ABCA4: variants seen among roughly 807,000 people sequenced by gnomAD.
ABCA4 encodes retinal-specific phospholipid-transporting ATPase ABCA4.
A neutral mutation model predicts 263.7 loss-of-function variants in ABCA4; 196 were observed. The ratio of observed to expected loss-of-function variants is 0.74; its 90% CI spans 0.66 to 0.84. The LOEUF (loss-of-function observed/expected upper bound fraction) is 0.84, where lower values mean the gene tolerates loss of function less well. ABCA4 is among the 40% of genes least tolerant of loss of function. ABCA4 has a pLI of 0.00. For synonymous variants in ABCA4, 1,133 were observed against 1,094.2 expected, an observed-to-expected ratio of 1.04 and a Z score of -0.70; for missense variants, 2,792 against 2,855.1, an observed-to-expected ratio of 0.98 and a Z score of 0.50.
Position 94,056,676 on chromosome 1 carries a change from A to G in ABCA4, c.2307T>C (p.Tyr769=). ...SLAAACSGVI[Y]FTLYLPHILC... ...GGATGTGTGGCAGGTAGAGGGTGAAATAGATGACACCACTACAGGCTGCTG... is the reference window on the plus strand; with the variant it reads ...GGATGTGTGGCAGGTAGAGGGTGAAGTAGATGACACCACTACAGGCTGCTG... Residue 769 remains tyrosine (Y), a synonymous_variant, in exon 15 of 50, where the codon TAT becomes TAC. Transcript: ENST00000370225. 1 of 1,614,130 alleles carries G rather than the reference A, an allele frequency of 6.2e-7. No individual in the cohort carries two copies.
At chr1:94,099,830 G>T (rs1051647509) in intron 5 of ABCA4, among the ~76,000 whole-genome samples, 1 of 152,226 alleles carries the variant, frequency 6.6e-6, no homozygotes, top group African/African-American at 2.4e-5. Context: ...AAGCCCTGCA[G>T]AGTGCACATT....
At position 94,028,930 on chromosome 1, in the gene ABCA4, A is replaced by ACAAAAC. The variant is rs35998587; in HGVS notation, c.4539+514_4539+515insGTTTTG. The stretch of plus-strand genomic sequence containing the variant: ...TCAAAAAAAAAAAAAAAAAAAAAAA[A>ACAAAAC]GAAATTCAAACAATGGGATAATATA... On this transcript the variant is annotated intron_variant, in intron 30 of 49. Transcript: ENST00000370225. 2.0e-4 allele frequency among the ~76,000 whole-genome samples: 22 copies of ACAAAAC among 108,032 alleles called. 1 individual carries two copies. Among genetic ancestry groups the ACAAAAC allele is most frequent in the South Asian group, 8.6e-4 (3 of 3,492 alleles). 70.9% of individuals were successfully genotyped at this position (108,032 alleles called of 152,430 possible).
At chr1:94,014,417 G>A in intron 38 of ABCA4, 126 bp downstream of exon 38, 2 of 1,077,590 alleles carry the variant, frequency 1.9e-6, no homozygotes, top group Non-Finnish European at 1.4e-6. Flanking sequence ...GGGGTAGGGA[G>A]GAAGAAAGTG....
At chr1:94,021,600 A>C (rs1557768685) in intron 34 of ABCA4, 40 bp downstream of exon 34, 3 of 1,568,196 alleles carry the variant, frequency 1.9e-6, no homozygotes, top group Non-Finnish European at 1.8e-6. Flanking sequence ...AGCTCAGGTA[A>C]ATTTTTAGCT....
At chr1:94,084,999 A>G (rs546550) in intron 6 of ABCA4, among the ~76,000 whole-genome samples, 37,457 of 152,130 alleles carry the variant, frequency 0.25, 5,100 homozygotes, top group Non-Finnish European at 0.32. Context: ...CCTGAGAGAC[A>G]TAGCAGTAAA....
At chr1:94,093,054 CCA>C (rs1195922063) in intron 6 of ABCA4, among the ~76,000 whole-genome samples, 1 of 152,110 alleles carries the variant, frequency 6.6e-6, no homozygotes, top group Non-Finnish European at 1.5e-5. Flanking sequence ...AGTCTCTCAG[CCA>C]CTAAGAGATG....
intron 6 of ABCA4, among the ~76,000 whole-genome samples, chr1:94,089,054 C>T (rs1443224754): frequency 6.6e-6 from 1 of 152,200 alleles, no homozygotes; most frequent in Non-Finnish European, 1.5e-5. Flanking sequence ...CTTCTGCAGG[C>T]CCCAGGCACA....
Position 94,010,856 on chromosome 1 carries a change from C to A in ABCA4, c.5658G>T (p.Gly1886=), listed in dbSNP as rs1379081387. ...GCAGGGTCAGGAGGAAGTACACCAC[C>A]CCTTCCACCACCATGGCAAACAGGT... The part of the protein sequence containing the change: ...GKNLFAMVVE[G]VVYFLLTLLV... The change falls in exon 40 of 50, where the codon GGG becomes GGT. Residue 1886 remains glycine, a synonymous_variant. Coordinates refer to ENST00000370225, the MANE Select transcript of ABCA4 (RefSeq NM_000350.3). The A allele has an allele frequency of 3.1e-6, 5 of 1,613,960 alleles. No individual in the cohort carries two copies. Among genetic ancestry groups the A allele is most frequent in the Non-Finnish European group, 4.2e-6 (5 of 1,180,028 alleles).
At position 94,019,019 on chromosome 1, in the gene ABCA4, G is replaced by GTT. The variant is rs757258025; in HGVS notation, c.5196+561_5196+562dup. Among the ~76,000 whole-genome samples, 44 of 76,434 alleles carry GTT rather than the reference G, an allele frequency of 5.8e-4. 1 individual carries two copies. The highest frequency in any genetic ancestry group is 8.6e-4 in the African/African-American group (14 of 16,242). The allele number at this position is 76,434 out of a possible 152,430, so 50.1% of individuals were successfully genotyped here. A position where few individuals can be genotyped will look rare whatever the true frequency, so the allele number is the denominator to read the frequency against. ...ATTTGAGTTTCAGATAAACAACCAG[G>GTT]TTTTTTTTTTTTTTTTTTTTTTTTT... On this transcript the variant is annotated intron_variant, in intron 36 of 49. Transcript: ENST00000370225.
At chr1:94,010,760 C>A (rs758705962) in intron 40 of ABCA4, 40 bp downstream of exon 40, 2 of 1,613,958 alleles carry the variant, frequency 1.2e-6, no homozygotes, top group Middle Eastern at 1.7e-4. Flanking sequence ...TTCTGGATGC[C>A]CTGAGCTGCC....
At position 94,042,182 on chromosome 1, in the gene ABCA4, C is replaced by T. The variant is rs137866490; in HGVS notation, c.3328+579G>A. Among the ~76,000 whole-genome samples the T allele has an allele frequency of 1.9e-3, 281 of 151,460 alleles. 2 individuals carry two copies. The highest frequency in any genetic ancestry group is 5.8e-3 in the Admixed American group (89 of 15,248). Reference sequence around the variant, plus strand: ...GATGACAAACCCTCAGAGAAAGGCACGGGGCAACGCTGTGTGAGTAGAGCA... The same window carrying T: ...GATGACAAACCCTCAGAGAAAGGCATGGGGCAACGCTGTGTGAGTAGAGCA... On this transcript the variant is annotated intron_variant, in intron 22 of 49. Coordinates refer to ENST00000370225, the MANE Select transcript of ABCA4 (RefSeq NM_000350.3).
chr1:94,072,516 G>GT (rs1661428675), intron 11 of ABCA4, among the ~76,000 whole-genome samples: 1 of 152,152 alleles, frequency 6.6e-6, no homozygotes, highest in Admixed American at 6.5e-5. Flanking sequence ...GGAGGGGTGT[G>GT]TATGCTTGTT....
In ABCA4 at chr1:94,047,495, C is replaced by T. The variant is rs1251023127; in HGVS notation, c.2744-402G>A. The stretch of plus-strand genomic sequence containing the variant: ...ATGCTTGTCAGAATGCACTCACTGT[C>T]TATAGGGAGAGTTGGCCCCAAGCTC... On this transcript the variant is annotated intron_variant, in intron 18 of 49. Transcript: ENST00000370225. Among the ~76,000 whole-genome samples, 2 of 152,302 alleles carry T rather than the reference C, an allele frequency of 1.3e-5. No individual in the cohort carries two copies. The highest frequency in any genetic ancestry group is 2.9e-5 in the Non-Finnish European group (2 of 68,018).
In ABCA4 at chr1:94,021,846, C is replaced by G; in HGVS notation, c.4773G>C (p.Gly1591=). Residue 1591 remains glycine (G), a splice_region_variant and synonymous_variant, in exon 33 of 50, where the codon GGG becomes GGC. Transcript: ENST00000370225. ...SDLGRIMNVS[G]GPITREASKE... ...TCAAATCTCCAGTCTGTTTACATAC[C>G]CCGCTCACATTCATGATCCGGCCAA... is the stretch of plus-strand genomic sequence containing the variant. 3.1e-6 allele frequency: 5 copies of G among 1,614,066 alleles called. No individual in the cohort carries two copies. Among genetic ancestry groups the G allele is most frequent in the Non-Finnish European group, 4.2e-6 (5 of 1,179,992 alleles).
At position 94,031,124 on chromosome 1, in the gene ABCA4, T is replaced by TG; in HGVS notation, c.4129-5dup. ...CAAAGGTAGCCGGGAGCACGATCTG[T>TG]GGGAGAATAGACGTGGAATAAACAT... On this transcript the variant is annotated splice_region_variant and splice_polypyrimidine_tract_variant and intron_variant, in intron 27 of 49. Coordinates refer to ENST00000370225, the MANE Select transcript of ABCA4 (RefSeq NM_000350.3). 1 of 1,613,964 alleles carries TG rather than the reference T, an allele frequency of 6.2e-7. No individual in the cohort carries two copies. The highest frequency in any genetic ancestry group is 8.5e-7 in the Non-Finnish European group (1 of 1,179,970).
At chr1:94,081,591 C>T (rs893543321) in intron 7 of ABCA4, among the ~76,000 whole-genome samples, 2 of 151,826 alleles carry the variant, frequency 1.3e-5, no homozygotes, top group African/African-American at 2.4e-5. Flanking sequence ...GTGGTTTTCT[C>T]GTGTGTGTGT....
intron 47 of ABCA4, among the ~76,000 whole-genome samples, chr1:94,000,000 TC>T (rs1659130416): frequency 1.3e-5 from 2 of 152,228 alleles, no homozygotes; most frequent in African/African-American, 4.8e-5. Flanking sequence ...GACCTTTCTC[TC>T]AATTATTTAT....
rs61751393 is a variant in ABCA4 at position 94,062,725 on chromosome 1, G to A, written c.1789C>T (p.Pro597Ser). Residue 597 changes from proline (P) to serine (S), a missense_variant, in exon 13 of 50, where the codon CCC (proline) becomes TCC (serine). Physicochemically the swap from Pro to Ser is moderately conservative, Grantham distance 74. Coordinates refer to ENST00000370225, the MANE Select transcript of ABCA4 (RefSeq NM_000350.3). ...RYWDSGPRAD[P>S]VEDFRYIWGG... is the part of the protein sequence containing the mutation. ...CAGATGTACCGGAAATCTTCCACGG[G>A]ATCAGCTCTGGGACCAGAATCCCAA... 1.2e-6 allele frequency: 2 copies of A among 1,614,072 alleles called. No homozygotes were observed. Among genetic ancestry groups the A allele is most frequent in the Non-Finnish European group, 8.5e-7 (1 of 1,180,018 alleles).
chr1:94,062,467 G>A, intron 13 of ABCA4, 110 bp downstream of exon 13: 3 of 1,370,726 alleles, frequency 2.2e-6, no homozygotes, highest in Non-Finnish European at 3.0e-6. Context: ...CTGGTCCCTG[G>A]GGCTCTCTCT....
Sources: gnomAD v4.1 joint callset for allele counts (sites outside exome capture counted in the v4.1 genomes callset) on GRCh38, gnomAD v4.1.1 for gene constraint, MANE v1.5 for transcripts, NCBI Gene and HGNC (gene_info 2026-07-23, HGNC 2026-07-21) for gene names.